The following TYW1 variants were observed in gnomAD, a reference collection of about 807,000 sequenced individuals.
The protein encoded by TYW1 is tRNA-yW synthesizing protein 1 homolog.
TYW1 carries 46 observed loss-of-function variants against 96.2 expected under a neutral mutation model. The ratio of observed to expected loss-of-function variants is 0.48; its 90% CI spans 0.38 to 0.61. The LOEUF (loss-of-function observed/expected upper bound fraction) is 0.61. TYW1 is among the 20% of genes least tolerant of loss of function. TYW1 has a pLI of 0.00. For missense variants in TYW1, 684 were observed against 909.6 expected, an observed-to-expected ratio of 0.75 and a Z score of 3.19; for synonymous variants, 274 against 323.0, an observed-to-expected ratio of 0.85 and a Z score of 1.63.
chr7:67,151,930 C>T (rs1798813365), intron 13 of TYW1, among the ~76,000 whole-genome samples: 1 of 152,062 alleles, frequency 6.6e-6, no homozygotes, highest in South Asian at 2.1e-4. Context: ...CCTCAGCCTC[C>T]CCAGTAGCTG....
intron 6 of TYW1, among the ~76,000 whole-genome samples, chr7:67,021,475 C>T (rs1377942521): frequency 7.4e-4 from 113 of 152,366 alleles, no homozygotes; most frequent in South Asian, 2.3e-3. Context: ...CTGGCTGGGC[C>T]TGTTTACTTA....
chr7:67,066,025 A>C (rs1795852842), intron 9 of TYW1, among the ~76,000 whole-genome samples: 1 of 139,398 alleles, frequency 7.2e-6, no homozygotes, highest in Non-Finnish European at 1.6e-5. Flanking sequence ...ACACACACAC[A>C]CACACACCCA....
At chr7:67,037,637 A>G (rs1331483620) in intron 7 of TYW1, among the ~76,000 whole-genome samples, 1 of 151,584 alleles carries the variant, frequency 6.6e-6, no homozygotes, top group Non-Finnish European at 1.5e-5. Context: ...CTATTTTTAT[A>G]TTGGATTATT....
rs35069275 is a variant in TYW1, at chr7:67,193,759, C to CA, written c.1810-1393dup. Among the ~76,000 whole-genome samples, 558 of 116,146 alleles carry CA rather than the reference C, an allele frequency of 4.8e-3. 2 individuals are homozygous for CA. The highest frequency in any genetic ancestry group is 0.019 in the Middle Eastern group (4 of 210). 76.2% of individuals were successfully genotyped at this position (116,146 alleles called of 152,430 possible). ...GGGCAACAAGAATGAGACTCTGTCT[C>CA]AAAAAAAAAAAAAAAAAATTCAGTG... On this transcript the variant is annotated intron_variant, in intron 14 of 15. Coordinates refer to ENST00000359626, the MANE Select transcript of TYW1 (RefSeq NM_018264.4).
rs538839042 is a variant in TYW1 at position 67,112,100 on chromosome 7, C to CAA, written c.1563-5361_1563-5360dup. ...GGTGACAGAGCGAGACTCTGTCTGACAAAAAAAAAAAAAAAAAAAAAAAGA... is the reference window on the plus strand; with the variant it reads ...GGTGACAGAGCGAGACTCTGTCTGACAAAAAAAAAAAAAAAAAAAAAAAAAGA... On this transcript the variant is annotated intron_variant, in intron 12 of 15. Transcript: ENST00000359626. 1.2e-3 allele frequency among the ~76,000 whole-genome samples: 115 copies of CAA among 94,840 alleles called. 3 individuals carry two copies. The highest frequency in any genetic ancestry group is 1.8e-3 in the African/African-American group (48 of 26,750). 62.2% of individuals were successfully genotyped at this position (94,840 alleles called of 152,430 possible). A position where few individuals can be genotyped will look rare whatever the true frequency, so the allele number is the denominator to read the frequency against.
chr7:67,055,594 C>CT (rs1795483438), intron 8 of TYW1, among the ~76,000 whole-genome samples: 2 of 119,088 alleles, frequency 1.7e-5, no homozygotes, highest in South Asian at 5.5e-4. Context: ...GCGGGACTGT[C>CT]TTAAAAAAAA....
intron 9 of TYW1, among the ~76,000 whole-genome samples, chr7:67,057,019 C>CT (rs770339972): frequency 0.12 from 16,241 of 138,702 alleles, 978 homozygotes; most frequent in Middle Eastern, 0.15. Context: ...TTTTTCTTTT[C>CT]TTTTTTTTTT....
At chr7:67,124,179 G>A (rs767147631) in intron 13 of TYW1, among the ~76,000 whole-genome samples, 2 of 152,156 alleles carry the variant, frequency 1.3e-5, no homozygotes, top group African/African-American at 2.4e-5. Context: ...CGGTTTTTAT[G>A]CATGTTCATA....
chr7:67,004,607 C>G (rs1228185864), intron 3 of TYW1, among the ~76,000 whole-genome samples: 3 of 152,160 alleles, frequency 2.0e-5, no homozygotes, highest in Non-Finnish European at 4.4e-5. Context: ...AACAATTTTT[C>G]CTTTACATAG....
In TYW1 at chr7:67,202,047, C is replaced by T. The variant is rs116062411; in HGVS notation, c.1977+6710C>T. On this transcript the variant is annotated intron_variant, in intron 15 of 15. Coordinates refer to ENST00000359626, the MANE Select transcript of TYW1 (RefSeq NM_018264.4). Reference sequence around the variant, plus strand: ...TACTCTGTTCCCACTGCTTGGGAACCATGGCCACGAAGAAATAATACAGAA... The same window carrying T: ...TACTCTGTTCCCACTGCTTGGGAACTATGGCCACGAAGAAATAATACAGAA... 6.3e-3 allele frequency among the ~76,000 whole-genome samples: 966 copies of T among 152,292 alleles called. 8 individuals are homozygous for T. Among genetic ancestry groups the T allele is most frequent in the African/African-American group, 0.022 (914 of 41,548 alleles).
chr7:67,125,438 A>G (rs556158415), intron 13 of TYW1, among the ~76,000 whole-genome samples: 27 of 150,202 alleles, frequency 1.8e-4, no homozygotes, highest in Admixed American at 2.7e-4. Context: ...TTTAGACTCA[A>G]AACAAAATTG....
chr7:67,077,439 G>A (rs1796241813), intron 10 of TYW1, among the ~76,000 whole-genome samples: 1 of 152,176 alleles, frequency 6.6e-6, no homozygotes, highest in South Asian at 2.1e-4. Flanking sequence ...TTTAACTTGG[G>A]TGAGATGGAA....
chr7:67,039,457 C>CA (rs879310027), intron 7 of TYW1, among the ~76,000 whole-genome samples: 151 of 106,570 alleles, frequency 1.4e-3, no homozygotes, highest in African/African-American at 1.8e-3. Context: ...GACTCCGTCT[C>CA]AAAAAAAAAA....
At chr7:67,226,906 C>A (rs1366606365) in intron 15 of TYW1, among the ~76,000 whole-genome samples, 1 of 152,118 alleles carries the variant, frequency 6.6e-6, no homozygotes, top group Non-Finnish European at 1.5e-5. Flanking sequence ...CTTCTTTCAT[C>A]AATACTTCCC....
chr7:67,108,089 C>G (rs182299021), intron 12 of TYW1, among the ~76,000 whole-genome samples: 1 of 152,208 alleles, frequency 6.6e-6, no homozygotes, highest in Non-Finnish European at 1.5e-5. Flanking sequence ...GTTGGCCAGG[C>G]TGGTCTCAAA....
At chr7:67,027,508 A>G (rs1794489815) in intron 7 of TYW1, among the ~76,000 whole-genome samples, 1 of 152,224 alleles carries the variant, frequency 6.6e-6, no homozygotes, top group East Asian at 1.9e-4. Context: ...AAAATATTAA[A>G]TTTATGAATG....
chr7:67,198,617 G>C (rs1198857599), intron 15 of TYW1, among the ~76,000 whole-genome samples: 1 of 151,712 alleles, frequency 6.6e-6, no homozygotes, highest in African/African-American at 2.4e-5. Flanking sequence ...TTTGAGGTTT[G>C]CAAGGCACAT....
In TYW1 at chr7:67,230,652, C is replaced by CTT. The variant is rs34585182; in HGVS notation, c.1978-7639_1978-7638dup. On this transcript the variant is annotated intron_variant, in intron 15 of 15. Transcript: ENST00000359626. ...CAACCCACCATTTTGCTTATTATCT[C>CTT]TTTTTTTTTTTTTTTTTTGAGGCGG... Among the ~76,000 whole-genome samples the CTT allele has an allele frequency of 1.9e-3, 225 of 119,532 alleles. 1 individual carries two copies. The highest frequency in any genetic ancestry group is 6.7e-3 in the African/African-American group (195 of 28,998). 78.4% of individuals were successfully genotyped at this position (119,532 alleles called of 152,430 possible).
chr7:67,230,892 G>A (rs1426058476), intron 15 of TYW1, among the ~76,000 whole-genome samples: 7 of 151,694 alleles, frequency 4.6e-5, no homozygotes, highest in East Asian at 1.9e-4. Context: ...CACCCACCTC[G>A]GCCTCCCAAA....
Sources: allele counts gnomAD v4.1 joint callset (sites outside exome capture counted in the v4.1 genomes callset), GRCh38; gene constraint gnomAD v4.1.1; transcripts MANE v1.5; gene names NCBI Gene and HGNC (gene_info 2026-07-23, HGNC 2026-07-21).